KLHL32: variants seen among roughly 807,000 people sequenced by gnomAD.
The protein encoded by KLHL32 is kelch like family member 32, also known as kelch-like protein 32.
Under a neutral mutation model 64.8 loss-of-function variants are expected in KLHL32, and 35 were observed. The observed-to-expected ratio is 0.54, with a 90% CI of 0.41 to 0.72. The LOEUF (loss-of-function observed/expected upper bound fraction) is 0.72, where lower values mean the gene tolerates loss of function less well. KLHL32 is among the 30% of genes least tolerant of loss of function. KLHL32 has a pLI of 0.00. For synonymous variants in KLHL32, 259 were observed against 281.0 expected, an observed-to-expected ratio of 0.92 and a Z score of 0.78; for missense variants, 589 against 768.5, an observed-to-expected ratio of 0.77 and a Z score of 2.76.
chr6:97,056,106 CTTTTT>C (rs1171932769), intron 4 of KLHL32, among the ~76,000 whole-genome samples: 1 of 85,080 alleles, frequency 1.2e-5, no homozygotes, highest in Non-Finnish European at 2.3e-5. Flanking sequence ...CTTTTTTTTT[CTTTTT>C]TTTTTTTTTT....
At chr6:97,081,991 T>C (rs1792612815) in intron 5 of KLHL32, among the ~76,000 whole-genome samples, 1 of 152,164 alleles carries the variant, frequency 6.6e-6, no homozygotes, top group South Asian at 2.1e-4. Flanking sequence ...GTTACTGAGT[T>C]TGGACTTTTT....
Position 97,139,141 on chromosome 6 carries a change from A to G in KLHL32, c.1722A>G (p.Glu574=), listed in dbSNP as rs775234905. 2.5e-6 allele frequency: 4 copies of G among 1,613,652 alleles called. No homozygotes were observed. The East Asian group carries it at 8.9e-5, about 36-fold the overall frequency. Residue 574 remains glutamate (E), a synonymous_variant, in exon 11 of 11, where the codon GAA becomes GAG. Coordinates refer to ENST00000369261, the MANE Select transcript of KLHL32 (RefSeq NM_052904.4). ...ACIQVLDVSR[E]GKEEVFYGPT... is the part of the protein sequence containing the mutation. Reference sequence around the variant, plus strand: ...TGTAGGTACTGGATGTAAGCAGAGAAGGCAAAGAAGAAGTATTCTATGGGC... The same window carrying G: ...TGTAGGTACTGGATGTAAGCAGAGAGGGCAAAGAAGAAGTATTCTATGGGC...
chr6:96,935,256 T>G (rs1406451137), intron 1 of KLHL32, among the ~76,000 whole-genome samples: 1 of 152,218 alleles, frequency 6.6e-6, no homozygotes, highest in African/African-American at 2.4e-5. Flanking sequence ...TTGTGATGGC[T>G]TCCCTGATGT....
At chr6:97,035,857 T>C (rs1766455) in intron 3 of KLHL32, among the ~76,000 whole-genome samples, 27,341 of 152,160 alleles carry the variant, frequency 0.18, 2,931 homozygotes, top group African/African-American at 0.31. Context: ...TTAATCAATC[T>C]GGATGTCCAC....
chr6:96,909,811 G>A, the KLHL32 span, among the ~76,000 whole-genome samples: 2 of 152,164 alleles, frequency 1.3e-5, no homozygotes, highest in Non-Finnish European at 2.9e-5. Flanking sequence ...TTGTGTGCAG[G>A]GATTGTGATT....
intron 2 of KLHL32, among the ~76,000 whole-genome samples, chr6:96,972,420 A>AAT (rs1775212297): frequency 6.6e-6 from 1 of 152,186 alleles, no homozygotes; most frequent in African/African-American, 2.4e-5. Context: ...GTATTGATAC[A>AAT]ACACAATACA....
At chr6:96,934,602 G>A (rs1770347858) in intron 1 of KLHL32, among the ~76,000 whole-genome samples, 1 of 152,222 alleles carries the variant, frequency 6.6e-6, no homozygotes, top group Non-Finnish European at 1.5e-5. Flanking sequence ...CTTTACTACT[G>A]AAACAGAGGT....
At chr6:97,074,578 A>T (rs541319007) in intron 5 of KLHL32, among the ~76,000 whole-genome samples, 18 of 151,532 alleles carry the variant, frequency 1.2e-4, no homozygotes, top group African/African-American at 4.1e-4. Context: ...AATGATTAAG[A>T]CAGTCTGTAG....
At chr6:96,902,051 T>C in the KLHL32 span, among the ~76,000 whole-genome samples, 2 of 152,226 alleles carry the variant, frequency 1.3e-5, no homozygotes, top group African/African-American at 4.8e-5. Flanking sequence ...TACATGTGCA[T>C]ATGTCTTTTT....
intron 7 of KLHL32, among the ~76,000 whole-genome samples, chr6:97,119,393 CAG>C (rs964061170): frequency 1.5e-4 from 23 of 152,066 alleles, no homozygotes; most frequent in African/African-American, 5.3e-4. Context: ...GAGGAGGAGG[CAG>C]AGAGTGTGAC....
intron 1 of KLHL32, among the ~76,000 whole-genome samples, chr6:96,939,293 C>T (rs1770991598): frequency 6.6e-6 from 1 of 152,192 alleles, no homozygotes; most frequent in Admixed American, 6.5e-5. Flanking sequence ...TTATTTGGCA[C>T]ACAGTTACTG....
intron 5 of KLHL32, among the ~76,000 whole-genome samples, chr6:97,080,196 C>T (rs890654749): frequency 2.6e-5 from 4 of 152,168 alleles, no homozygotes; most frequent in South Asian, 2.1e-4. Context: ...AATTTTCCCA[C>T]GCAGAAAACA....
At chr6:96,955,766 G>A (rs987582913) in intron 1 of KLHL32, among the ~76,000 whole-genome samples, 5 of 151,994 alleles carry the variant, frequency 3.3e-5, no homozygotes, top group African/African-American at 9.7e-5. Context: ...GTGAAACCCC[G>A]TCTCTACTAA....
intron 6 of KLHL32, among the ~76,000 whole-genome samples, chr6:97,091,119 G>T (rs771771270): frequency 4.6e-4 from 70 of 152,226 alleles, no homozygotes; most frequent in Non-Finnish European, 7.2e-4. Flanking sequence ...CCAAAGGGCA[G>T]GTTCACCTGA....
chr6:96,998,713 T>C (rs930313666), intron 3 of KLHL32, among the ~76,000 whole-genome samples: 1 of 152,248 alleles, frequency 6.6e-6, no homozygotes, highest in African/African-American at 2.4e-5. Context: ...GATAAGTGGA[T>C]GTTTATGCCA....
intron 4 of KLHL32, among the ~76,000 whole-genome samples, chr6:97,055,810 A>AAAAAAAAAAAAAAAAAAAAAAAAAAC (rs1787751779): frequency 6.7e-6 from 1 of 149,678 alleles, no homozygotes; most frequent in Non-Finnish European, 1.5e-5. Context: ...AAAAAAAAAA[A>AAAAAAAAAAAAAAAAAAAAAAAAAAC]AAAAAAAAAA....
intron 1 of KLHL32, among the ~76,000 whole-genome samples, chr6:96,960,186 CATT>C (rs921128675): frequency 2.6e-5 from 4 of 152,214 alleles, no homozygotes; most frequent in Non-Finnish European, 4.4e-5. Context: ...TCATTATCAT[CATT>C]GTCATCACCA....
chr6:97,134,195 G>A (rs1365690331), intron 10 of KLHL32, among the ~76,000 whole-genome samples: 1 of 152,126 alleles, frequency 6.6e-6, no homozygotes, highest in African/African-American at 2.4e-5. Flanking sequence ...AAAGAAAGTA[G>A]AAGAGGAGAG....
At chr6:97,113,713 CT>C in intron 6 of KLHL32, 69 bp from the exon 7 acceptor site, 1 of 1,547,262 alleles carries the variant, frequency 6.5e-7, no homozygotes, top group Non-Finnish European at 8.8e-7. Context: ...GGTAACCTAC[CT>C]ATATGCTGTT....
Sources: allele counts gnomAD v4.1 joint callset (sites outside exome capture counted in the v4.1 genomes callset), GRCh38; gene constraint gnomAD v4.1.1; transcripts MANE v1.5; gene names NCBI Gene and HGNC (gene_info 2026-07-23, HGNC 2026-07-21).